Variants in ARHGAP42 observed in about 807,000 individuals in gnomAD.
ARHGAP42 encodes the protein Rho GTPase activating protein 42.
ARHGAP42 carries 63 observed loss-of-function variants against 125.0 expected under a neutral mutation model. That is an observed-to-expected ratio of 0.50 (90% CI 0.41 to 0.62). The LOEUF (loss-of-function observed/expected upper bound fraction) is 0.62, where lower values mean the gene tolerates loss of function less well. ARHGAP42 is among the 20% of genes least tolerant of loss of function. ARHGAP42 has a pLI of 0.00. For synonymous variants in ARHGAP42, 339 were observed against 351.0 expected, an observed-to-expected ratio of 0.97 and a Z score of 0.38; for missense variants, 766 against 1,024.2, an observed-to-expected ratio of 0.75 and a Z score of 3.44.
intron 1 of ARHGAP42, among the ~76,000 whole-genome samples, chr11:100,758,026 G>A (rs1862615793): frequency 6.6e-6 from 1 of 152,112 alleles, no homozygotes; most frequent in Non-Finnish European, 1.5e-5. Flanking sequence ...TACTGTTCAT[G>A]TATAGCCATG....
At chr11:100,712,175 C>T (rs1012614754) in intron 1 of ARHGAP42, among the ~76,000 whole-genome samples, 13 of 152,126 alleles carry the variant, frequency 8.5e-5, no homozygotes, top group Admixed American at 7.9e-4. Flanking sequence ...GGGGTAAGTA[C>T]TAATTAGTTG....
intron 1 of ARHGAP42, among the ~76,000 whole-genome samples, chr11:100,707,227 C>T (rs1005613195): frequency 5.9e-5 from 9 of 152,040 alleles, no homozygotes; most frequent in African/African-American, 2.2e-4. Flanking sequence ...GTACCTTTTT[C>T]TGTGTGAACA....
chr11:100,859,293 T>A, intron 3 of ARHGAP42: 2 of 343,208 alleles, frequency 5.8e-6, no homozygotes, highest in Non-Finnish European at 1.0e-5. Flanking sequence ...GAAGAAGAAA[T>A]TTAAGTATTC....
intron 14 of ARHGAP42, 37 bp downstream of exon 14, chr11:100,961,026 G>A (rs1311339721): frequency 7.2e-7 from 1 of 1,397,538 alleles, no homozygotes; most frequent in South Asian, 1.4e-5. Flanking sequence ...TAATTTTTGT[G>A]TTCTTATAGG....
intron 1 of ARHGAP42, among the ~76,000 whole-genome samples, chr11:100,726,968 G>A (rs1398359475): frequency 1.3e-5 from 2 of 152,208 alleles, no homozygotes; most frequent in South Asian, 2.1e-4. Context: ...GTTGAGGAAT[G>A]CTGCAGAATT....
At position 100,943,823 on chromosome 11, in the gene ARHGAP42, A is replaced by G. The variant is rs1355546983; in HGVS notation, c.998A>G (p.Asp333Gly). 1.2e-5 allele frequency: 19 copies of G among 1,549,848 alleles called. No homozygotes were observed. The highest frequency in any genetic ancestry group is 1.6e-5 in the Non-Finnish European group (18 of 1,145,854). ...AAATCTTGTATCCGACGAAAGACAGATTCAATTGACAAACGATTCTGCTTT... is the reference window on the plus strand; with the variant it reads ...AAATCTTGTATCCGACGAAAGACAGGTTCAATTGACAAACGATTCTGCTTT... ...KLKSCIRRKT[D>G]SIDKRFCFDI... Residue 333 changes from aspartate (D) to glycine (G), a missense_variant, in exon 10 of 24, where the codon GAT becomes GGT. By Grantham distance (94) the Asp-to-Gly change is moderately conservative. This residue lies in a region of ARHGAP42 where 455 missense variants were observed against 636.5 expected (regional missense o/e 0.71). Transcript: ENST00000298815.
chr11:100,709,136 T>G (rs1010321279), intron 1 of ARHGAP42, among the ~76,000 whole-genome samples: 3 of 152,072 alleles, frequency 2.0e-5, no homozygotes, highest in African/African-American at 7.2e-5. Flanking sequence ...GCCTCCTGGT[T>G]TCAAGCGATT....
intron 12 of ARHGAP42, among the ~76,000 whole-genome samples, chr11:100,957,345 T>C (rs1042244162): frequency 7.9e-5 from 12 of 152,110 alleles, no homozygotes; most frequent in Non-Finnish European, 1.6e-4. Flanking sequence ...TCTTGTTCCA[T>C]TGTTAGGCAC....
intron 1 of ARHGAP42, among the ~76,000 whole-genome samples, chr11:100,696,344 T>A (rs1428824309): frequency 6.6e-6 from 1 of 152,164 alleles, no homozygotes; most frequent in Admixed American, 6.5e-5. Flanking sequence ...TTTTTTTTAT[T>A]TTTTATTTTA....
intron 12 of ARHGAP42, 89 bp from the exon 13 acceptor site, chr11:100,959,790 TGTTG>T: frequency 8.4e-7 from 1 of 1,186,208 alleles, no homozygotes; most frequent in Non-Finnish European, 1.2e-6. Context: ...ACCTCTCTAC[TGTTG>T]AGTCATAAAG....
intron 6 of ARHGAP42, among the ~76,000 whole-genome samples, chr11:100,925,829 C>T (rs188784842): frequency 2.9e-4 from 44 of 152,270 alleles, no homozygotes; most frequent in African/African-American, 9.4e-4. Context: ...GAACAGTGGG[C>T]TCATCCTTTC....
intron 1 of ARHGAP42, among the ~76,000 whole-genome samples, chr11:100,734,212 C>T (rs1591136104): frequency 2.0e-5 from 3 of 151,710 alleles, no homozygotes; most frequent in East Asian, 2.0e-4. Context: ...GGATTACAAG[C>T]GTGAGCCACC....
At chr11:100,876,435 G>C (rs592563) in intron 4 of ARHGAP42, among the ~76,000 whole-genome samples, 42,123 of 152,066 alleles carry the variant, frequency 0.28, 5,988 homozygotes, top group Non-Finnish European at 0.3. Context: ...TTTACAATCA[G>C]ATGCTTTTAT....
intron 1 of ARHGAP42, among the ~76,000 whole-genome samples, chr11:100,739,891 T>C (rs1018542223): frequency 5.3e-5 from 8 of 152,124 alleles, no homozygotes; most frequent in African/African-American, 1.9e-4. Flanking sequence ...CTGAGTGCCA[T>C]CTGACCCACA....
intron 3 of ARHGAP42, among the ~76,000 whole-genome samples, chr11:100,841,068 T>C (rs2135112030): frequency 6.6e-6 from 1 of 152,306 alleles, no homozygotes; most frequent in East Asian, 1.9e-4. Context: ...TGCCATGAAA[T>C]ACGGTCTCTT....
chr11:100,822,914 T>G (rs962867905), intron 3 of ARHGAP42, among the ~76,000 whole-genome samples: 1 of 152,130 alleles, frequency 6.6e-6, no homozygotes, highest in African/African-American at 2.4e-5. Context: ...ATTTGCTTTG[T>G]TAGCCAAAAG....
intron 5 of ARHGAP42, among the ~76,000 whole-genome samples, chr11:100,916,509 G>A (rs1162880413): frequency 6.6e-6 from 1 of 152,120 alleles, no homozygotes; most frequent in African/African-American, 2.4e-5. Context: ...AAAGTGGTTA[G>A]TTTCAGTGTC....
intron 6 of ARHGAP42, among the ~76,000 whole-genome samples, chr11:100,932,549 CTT>C (rs1338286032): frequency 6.6e-6 from 1 of 152,080 alleles, no homozygotes; most frequent in African/African-American, 2.4e-5. Flanking sequence ...GAAATTATGA[CTT>C]TGTAAAGATT....
chr11:100,823,354 G>A (rs374978919), intron 3 of ARHGAP42, among the ~76,000 whole-genome samples: 3 of 152,226 alleles, frequency 2.0e-5, no homozygotes, highest in South Asian at 2.1e-4. Flanking sequence ...CTTTTCCTCA[G>A]GATGGTGGAT....
Sources: allele counts gnomAD v4.1 joint callset (sites outside exome capture counted in the v4.1 genomes callset), GRCh38; gene constraint gnomAD v4.1.1; regional missense constraint gnomAD v4.1.1; transcripts MANE v1.5; gene names NCBI Gene and HGNC (gene_info 2026-07-23, HGNC 2026-07-21).